The following ARHGAP29 variants were observed in gnomAD, a reference collection of about 807,000 sequenced individuals.
ARHGAP29 encodes the protein rho GTPase-activating protein 29.
In ARHGAP29, 43 loss-of-function variants were observed where a neutral mutation model predicts 122.6. The ratio of observed to expected loss-of-function variants is 0.35; its 90% CI spans 0.27 to 0.45. ARHGAP29 has a LOEUF of 0.45. Ranked by LOEUF, ARHGAP29 falls within the 20% of genes least tolerant of loss-of-function variation. The pLI is 1.00. For missense variants in ARHGAP29, 1,303 were observed against 1,477.2 expected (o/e 0.88, Z 1.93); for synonymous variants, 506 against 497.1 (o/e 1.02, Z -0.24).
chr1:94,231,593 T>C lies in ARHGAP29; in HGVS notation c.19A>G (p.Lys7Glu). 1 of 1,613,440 alleles carries C rather than the reference T, an allele frequency of 6.2e-7. No individual in the cohort carries two copies. MIAHKQ[K>E]KTKKKRAWAS... ...CAAGCACGTTTTTTCTTTGTCTTTT[T>C]CTGTTTGTGAGCAATCATCCTTTCA... Residue 7 changes from lysine (K) to glutamate (E), a missense_variant, in exon 2 of 23, where the codon AAA becomes GAA. By Grantham distance (56) the Lys-to-Glu change is moderately conservative (BLOSUM62 1). Coordinates refer to ENST00000260526, the MANE Select transcript of ARHGAP29 (RefSeq NM_004815.4).
chr1:94,185,086 T>A, intron 17 of ARHGAP29, 26 bp from the exon 18 acceptor site: 1 of 1,586,936 alleles, frequency 6.3e-7, no homozygotes, highest in East Asian at 2.2e-5. Flanking sequence ...AGTTTGAAAC[T>A]GGTTAACCTT....
At position 94,182,129 on chromosome 1, in the gene ARHGAP29, T is replaced by C. The variant is rs142348710; in HGVS notation, c.2247+2022A>G. On this transcript the variant is annotated intron_variant, in intron 19 of 22. Coordinates refer to ENST00000260526, the MANE Select transcript of ARHGAP29 (RefSeq NM_004815.4). ...AAAAAATTATAAATATCCTCAGATA[T>C]GGCAGTCATTAAAAAAGGAAGAAAG... is the stretch of plus-strand genomic sequence containing the variant. Among the ~76,000 whole-genome samples, 911 of 151,830 alleles carry C rather than the reference T, an allele frequency of 6.0e-3. 6 individuals carry two copies. Among genetic ancestry groups the C allele is most frequent in the African/African-American group, 0.021 (850 of 41,414 alleles).
At chr1:94,231,886 T>A (rs746961241) in intron 1 of ARHGAP29, among the ~76,000 whole-genome samples, 60 of 152,270 alleles carry the variant, frequency 3.9e-4, no homozygotes, top group Non-Finnish European at 8.1e-4. Context: ...CTACTGTTCT[T>A]TACATTTCAC....
intron 1 of ARHGAP29, among the ~76,000 whole-genome samples, chr1:94,265,100 C>T (rs977280886): frequency 2.6e-5 from 4 of 152,210 alleles, no homozygotes; most frequent in African/African-American, 7.2e-5. Flanking sequence ...TGCATCTTAA[C>T]GAACTCTATT....
chr1:94,255,848 CT>C (rs1450216165), intron 1 of ARHGAP29, among the ~76,000 whole-genome samples: 2 of 152,204 alleles, frequency 1.3e-5, no homozygotes, highest in Non-Finnish European at 2.9e-5. Context: ...TTTAGGGATA[CT>C]GTTGCTGCCA....
At chr1:94,266,604 G>A (rs115517505) in intron 1 of ARHGAP29, among the ~76,000 whole-genome samples, 2,870 of 152,082 alleles carry the variant, frequency 0.019, 94 homozygotes, top group African/African-American at 0.066. Flanking sequence ...TGGGGCTCAG[G>A]GTGTAGAACA....
Position 94,206,854 on chromosome 1 carries a change from C to T in ARHGAP29, c.511-1171G>A, listed in dbSNP as rs922008699. On this transcript the variant is annotated intron_variant, in intron 5 of 22. Coordinates refer to ENST00000260526, the MANE Select transcript of ARHGAP29 (RefSeq NM_004815.4). ...GAGGTTGCAGTGAGCCGAGATCACA[C>T]CACTGCACCAGCCCAGGTGAAGGAG... Among the ~76,000 whole-genome samples, 9 of 12,008 alleles carry T rather than the reference C, an allele frequency of 7.5e-4. No homozygotes were observed. The Non-Finnish European group carries it at 0.098, about 130-fold the overall frequency. 7.9% of individuals were successfully genotyped at this position (12,008 alleles called of 152,430 possible).
chr1:94,295,487 G>A, the ARHGAP29 span, among the ~76,000 whole-genome samples: 2 of 152,206 alleles, frequency 1.3e-5, no homozygotes, highest in South Asian at 4.2e-4. Flanking sequence ...AATTTAAATT[G>A]TAGTTTAAGA....
chr1:94,228,654 G>C (rs1295100265), intron 2 of ARHGAP29, among the ~76,000 whole-genome samples: 1 of 151,678 alleles, frequency 6.6e-6, no homozygotes, highest in Non-Finnish European at 1.5e-5. Context: ...GCCTTTGAGG[G>C]GCCTGGGTGA....
intron 3 of ARHGAP29, 129 bp downstream of exon 3, chr1:94,220,129 A>T: frequency 1.9e-6 from 2 of 1,064,414 alleles, no homozygotes; most frequent in Non-Finnish European, 2.8e-6. Flanking sequence ...CAAAGTATAT[A>T]TAACTCCTTA....
upstream of ARHGAP29, among the ~76,000 whole-genome samples, chr1:94,277,305 T>A (rs185409532): frequency 2.6e-5 from 4 of 152,190 alleles, no homozygotes; most frequent in East Asian, 3.9e-4. Flanking sequence ...TAAAGATGAG[T>A]TAAATATGCA....
At chr1:94,193,429 A>G (rs1650249758) in intron 12 of ARHGAP29, 1 of 152,152 alleles carries the variant, frequency 6.6e-6, no homozygotes, top group Non-Finnish European at 1.5e-5. Context: ...TCAAGAGTCA[A>G]ACTTGTAGAT....
the ARHGAP29 span, among the ~76,000 whole-genome samples, chr1:94,311,092 C>A: frequency 6.6e-6 from 1 of 152,304 alleles, no homozygotes; most frequent in South Asian, 2.1e-4. Context: ...CTACAAGGAG[C>A]CACTCATTTC....
chr1:94,233,633 A>G (rs1288706868), intron 1 of ARHGAP29, among the ~76,000 whole-genome samples: 1 of 152,188 alleles, frequency 6.6e-6, no homozygotes, highest in African/African-American at 2.4e-5. Context: ...GTGCAATGTC[A>G]TATGGAGACA....
chr1:94,270,173 A>G (rs186689633), intron 1 of ARHGAP29, among the ~76,000 whole-genome samples: 1 of 152,330 alleles, frequency 6.6e-6, no homozygotes, highest in African/African-American at 2.4e-5. Flanking sequence ...GGTCAGATAC[A>G]TACACTCTAG....
chr1:94,200,915 G>A (rs569782195), intron 12 of ARHGAP29, among the ~76,000 whole-genome samples: 3 of 152,262 alleles, frequency 2.0e-5, no homozygotes, highest in African/African-American at 7.2e-5. Context: ...TAGCATGAAG[G>A]AATCATTTTT....
At chr1:94,269,185 T>A (rs950453616) in intron 1 of ARHGAP29, among the ~76,000 whole-genome samples, 1 of 152,212 alleles carries the variant, frequency 6.6e-6, no homozygotes, top group Non-Finnish European at 1.5e-5. Flanking sequence ...TAGCCCTGAC[T>A]GGATTCATTT....
intron 1 of ARHGAP29, among the ~76,000 whole-genome samples, chr1:94,252,022 G>A (rs74437456): frequency 0.026 from 3,977 of 152,228 alleles, 178 homozygotes; most frequent in African/African-American, 0.091. Flanking sequence ...ATTCATCAAC[G>A]AATGAAAGAT....
chr1:94,276,439 T>A (rs1044739215), upstream of ARHGAP29, among the ~76,000 whole-genome samples: 3 of 86,238 alleles, frequency 3.5e-5, no homozygotes, highest in African/African-American at 9.7e-5. Context: ...GGTTTTTAGA[T>A]TTTTTTTTTT....
Sources: allele counts gnomAD v4.1 joint callset (sites outside exome capture counted in the v4.1 genomes callset), GRCh38; gene constraint gnomAD v4.1.1; transcripts MANE v1.5; gene names NCBI Gene and HGNC (gene_info 2026-07-23, HGNC 2026-07-21).